Variants in STEAP3 observed in about 807,000 individuals in gnomAD.
The protein encoded by STEAP3 is STEAP3 metalloreductase, also known as metalloreductase STEAP3.
STEAP3 carries 35 observed loss-of-function variants against 34.9 expected under a neutral mutation model. The observed-to-expected ratio is 1.00, with a 90% CI of 0.76 to 1.33. STEAP3 has a LOEUF of 1.33. Ranked by LOEUF, STEAP3 falls within the 40% of genes most tolerant of loss-of-function variation. The pLI is 0.00. For missense variants in STEAP3, 652 were observed against 667.6 expected, an observed-to-expected ratio of 0.98 and a Z score of 0.26; for synonymous variants, 281 against 301.6, an observed-to-expected ratio of 0.93 and a Z score of 0.71.
chr2:119,253,821 G>T (rs1049992694), intron 4 of STEAP3, among the ~76,000 whole-genome samples: 2 of 151,202 alleles, frequency 1.3e-5, no homozygotes, highest in African/African-American at 4.8e-5. Flanking sequence ...CCTGGAACTT[G>T]GTGGGGGGGC....
At chr2:119,260,578 G>A (rs1473344805) in intron 5 of STEAP3, among the ~76,000 whole-genome samples, 7 of 152,194 alleles carry the variant, frequency 4.6e-5, no homozygotes, top group Non-Finnish European at 1.0e-4. Context: ...TTACAGGCGT[G>A]AGCCACCGCA....
chr2:119,242,146 C>T (rs1677264991), intron 2 of STEAP3, among the ~76,000 whole-genome samples: 1 of 152,160 alleles, frequency 6.6e-6, no homozygotes, highest in African/African-American at 2.4e-5. Flanking sequence ...GAGTGTTCAG[C>T]ACAAAGTCAC....
At chr2:119,234,783 G>A (rs949437260) in intron 2 of STEAP3, among the ~76,000 whole-genome samples, 3 of 152,242 alleles carry the variant, frequency 2.0e-5, no homozygotes, top group African/African-American at 7.2e-5. Flanking sequence ...TCCTAAAGTT[G>A]TGCAGCATAG....
chr2:119,233,469 T>C (rs1290676663), intron 2 of STEAP3, among the ~76,000 whole-genome samples: 3 of 152,208 alleles, frequency 2.0e-5, no homozygotes, highest in Admixed American at 1.3e-4. Flanking sequence ...TATTATTTCA[T>C]CACCACTGAG....
chr2:119,241,398 G>C (rs981828553), intron 2 of STEAP3, among the ~76,000 whole-genome samples: 13 of 152,208 alleles, frequency 8.5e-5, no homozygotes, highest in Non-Finnish European at 1.9e-4. Flanking sequence ...AGGCCGCCTA[G>C]GGAGCAGTAC....
At chr2:119,232,819 C>G (rs1163212097) in intron 2 of STEAP3, among the ~76,000 whole-genome samples, 2 of 152,004 alleles carry the variant, frequency 1.3e-5, no homozygotes, top group African/African-American at 4.8e-5. Context: ...CCTGGGACCT[C>G]TAAGGGAAAG....
rs1312013061 is a variant in STEAP3 at position 119,265,505 on chromosome 2, T to C, written c.*2167T>C. The C allele has an allele frequency of 6.6e-6, 1 of 152,024 alleles. No homozygotes were observed. The highest frequency in any genetic ancestry group is 1.5e-5 in the Non-Finnish European group (1 of 68,030). The allele number at this position is 152,024 out of a possible 1,614,324, so 9.4% of individuals were successfully genotyped here. ...TTCCATGTGCCTCTGGGTACAAAAG[T>C]GCCTCAACGACATGCTCTGGAAATC... On this transcript the variant is annotated 3_prime_UTR_variant, in exon 6 of 6. Coordinates refer to ENST00000393110, the MANE Select transcript of STEAP3 (RefSeq NM_182915.3).
rs1332174926 is a variant in STEAP3 at position 119,245,489 on chromosome 2, C to T, written c.23C>T (p.Ala8Val). 1.1e-5 allele frequency: 17 copies of T among 1,575,384 alleles called. No homozygotes were observed. In the Admixed American group the frequency reaches 2.6e-4, roughly 24 times the overall value. ...ACCAGGTTCCTGACTTCTCTTGCAG[C>T]CACCAAAATGCCAGAAGAGATGGAC... MSHQPAVATKMPEEMDKP... is the reference protein window; with the variant it reads MSHQPAVVTKMPEEMDKP... Residue 8 changes from alanine (A) to valine (V), a missense_variant and splice_region_variant, in exon 3 of 6, where the codon GCC (alanine) becomes GTC (valine). Physicochemically the swap from Ala to Val is moderately conservative, Grantham distance 64. Coordinates refer to ENST00000393110, the MANE Select transcript of STEAP3 (RefSeq NM_182915.3).
At chr2:119,262,636 C>T (rs1558760658) in intron 5 of STEAP3, among the ~76,000 whole-genome samples, 1 of 152,168 alleles carries the variant, frequency 6.6e-6, no homozygotes, top group Non-Finnish European at 1.5e-5. Context: ...CTTAGGCCTC[C>T]CAAAGTGTTG....
In STEAP3 at chr2:119,248,085, A is replaced by C; in HGVS notation, c.929A>C (p.Gln310Pro). Residue 310 changes from glutamine (Q) to proline (P), a missense_variant, in exon 4 of 6, where the codon CAG (glutamine) becomes CCG (proline). Transcript: ENST00000393110. ...RFPDWLDHWLQHRKQIGLLSF... is the reference protein window; with the variant it reads ...RFPDWLDHWLPHRKQIGLLSF... ...CCCGACTGGCTGGACCACTGGCTAC[A>C]GCACCGCAAGCAGATCGGGCTGCTC... The C allele has an allele frequency of 6.2e-7, 1 of 1,608,380 alleles. No individual in the cohort carries two copies. The highest frequency in any genetic ancestry group is 8.5e-7 in the Non-Finnish European group (1 of 1,179,860).
rs780142050 is a variant in STEAP3, at chr2:119,230,982, C to T, written c.-31C>T. Reference sequence around the variant, plus strand: ...ACCTCACGGTGAGGCTGTCGAGTGACCTGAGAGCCTCAGACCCTCACGTCA... The same window carrying T: ...ACCTCACGGTGAGGCTGTCGAGTGATCTGAGAGCCTCAGACCCTCACGTCA... On this transcript the variant is annotated 5_prime_UTR_variant, in exon 2 of 6. Transcript: ENST00000393110. 18 of 1,614,076 alleles carry T rather than the reference C, an allele frequency of 1.1e-5. No homozygotes were observed. The East Asian group carries it at 3.6e-4, about 32-fold the overall frequency.
chr2:119,248,066 T>C lies in STEAP3; in HGVS notation c.910T>C (p.Trp304Arg), dbSNP rs765213625. 2 of 1,608,704 alleles carry C rather than the reference T, an allele frequency of 1.2e-6. No homozygotes were observed. Among genetic ancestry groups the C allele is most frequent in the South Asian group, 2.2e-5 (2 of 91,084 alleles). Residue 304 changes from tryptophan (W) to arginine (R), a missense_variant, in exon 4 of 6, where the codon TGG becomes CGG. Trp to Arg is a moderately radical substitution (Grantham distance 101). Transcript: ENST00000393110. The stretch of plus-strand genomic sequence containing the variant: ...CACCAAGTACCAGCGCTTCCCCGAC[T>C]GGCTGGACCACTGGCTACAGCACCG... The part of the protein sequence containing the change: ...RGTKYQRFPD[W>R]LDHWLQHRKQ...
intron 5 of STEAP3, among the ~76,000 whole-genome samples, chr2:119,256,156 C>A (rs889485274): frequency 6.6e-6 from 1 of 152,188 alleles, no homozygotes; most frequent in African/African-American, 2.4e-5. Flanking sequence ...ACAGTGACAG[C>A]GTAATGCTCT....
intron 2 of STEAP3, among the ~76,000 whole-genome samples, chr2:119,236,909 G>A (rs1245708676): frequency 6.6e-6 from 1 of 152,164 alleles, no homozygotes; most frequent in Non-Finnish European, 1.5e-5. Context: ...GTGAGCAAAG[G>A]CCAAGAGAAC....
At chr2:119,246,080 A>T (rs949790790) in intron 3 of STEAP3, 92 bp downstream of exon 3, 1 of 1,463,536 alleles carries the variant, frequency 6.8e-7, no homozygotes, top group East Asian at 2.3e-5. Flanking sequence ...TTGATATGTT[A>T]TCATAACTAA....
At chr2:119,231,470 G>T (rs1005042511) in intron 2 of STEAP3, among the ~76,000 whole-genome samples, 2 of 151,908 alleles carry the variant, frequency 1.3e-5, no homozygotes, top group African/African-American at 4.8e-5. Flanking sequence ...AACCATTTCT[G>T]CATTGGTTTA....
chr2:119,231,100 C>A, intron 2 of STEAP3, 66 bp downstream of exon 2: 1 of 1,606,518 alleles, frequency 6.2e-7, no homozygotes, highest in Non-Finnish European at 8.5e-7. Flanking sequence ...CCACCAGCTC[C>A]CTCACCACCT....
At chr2:119,238,198 C>CTGTT (rs1238991379) in intron 2 of STEAP3, among the ~76,000 whole-genome samples, 1 of 152,194 alleles carries the variant, frequency 6.6e-6, no homozygotes, top group East Asian at 1.9e-4. Context: ...CATATAGAAA[C>CTGTT]TGTTTAACGT....
At chr2:119,227,903 C>G (rs1006938337) in intron 1 of STEAP3, among the ~76,000 whole-genome samples, 1 of 152,022 alleles carries the variant, frequency 6.6e-6, no homozygotes, top group Non-Finnish European at 1.5e-5. Context: ...CATCTTGGCT[C>G]ACTGCAACCT....
Sources: gnomAD v4.1 joint callset for allele counts (sites outside exome capture counted in the v4.1 genomes callset) on GRCh38, gnomAD v4.1.1 for gene constraint, MANE v1.5 for transcripts, NCBI Gene and HGNC (gene_info 2026-07-23, HGNC 2026-07-21) for gene names.